The following CELF2 variants were observed in gnomAD, a reference collection of about 807,000 sequenced individuals.
CELF2 encodes the protein CUG triplet repeat RNA-binding protein 2.
Under a neutral mutation model 62.6 loss-of-function variants are expected in CELF2, and 8 were observed. The ratio of observed to expected loss-of-function variants is 0.13; its 90% CI spans 0.07 to 0.23. CELF2 has a LOEUF of 0.23. CELF2 is among the 10% of genes least tolerant of loss of function. The pLI, the probability that CELF2 is intolerant of heterozygous loss-of-function variation, is 1.00. For synonymous variants in CELF2, 258 were observed against 250.0 expected (o/e 1.03, Z -0.30); for missense variants, 333 against 671.0 (o/e 0.50, Z 5.56).
At chr10:10,623,416 G>GC in the CELF2 span, among the ~76,000 whole-genome samples, 1 of 152,164 alleles carries the variant, frequency 6.6e-6, no homozygotes, top group African/African-American at 2.4e-5. Context: ...TTCTGATTCT[G>GC]CAAAAATGCT....
the CELF2 span, among the ~76,000 whole-genome samples, chr10:10,601,565 C>T: frequency 6.6e-6 from 1 of 152,168 alleles, no homozygotes; most frequent in Non-Finnish European, 1.5e-5. Context: ...TTCTTCAAAA[C>T]ATCCTGTCTC....
chr10:11,147,071 G>A (rs995388876), intron 1 of CELF2, among the ~76,000 whole-genome samples: 96 of 152,190 alleles, frequency 6.3e-4, no homozygotes, highest in Non-Finnish European at 1.5e-5. Flanking sequence ...ACTACGTCCT[G>A]TTTATTTATC....
At chr10:10,894,560 A>G (rs908541632) in intron 1 of CELF2, among the ~76,000 whole-genome samples, 1 of 152,206 alleles carries the variant, frequency 6.6e-6, no homozygotes, top group Non-Finnish European at 1.5e-5. Context: ...CCTGGTTTCA[A>G]TCACACCAGT....
At chr10:10,824,115 T>C (rs1441671516) in intron 1 of CELF2, among the ~76,000 whole-genome samples, 1 of 152,218 alleles carries the variant, frequency 6.6e-6, no homozygotes, top group Non-Finnish European at 1.5e-5. Context: ...TCCCTTCTAA[T>C]ACCATTTGGA....
the CELF2 span, among the ~76,000 whole-genome samples, chr10:10,793,119 T>A: frequency 6.6e-6 from 1 of 152,202 alleles, no homozygotes; most frequent in Non-Finnish European, 1.5e-5. Context: ...AGCTGTCTCT[T>A]TAGAGGCCCT....
At chr10:10,541,071 G>A in the CELF2 span, among the ~76,000 whole-genome samples, 5 of 151,700 alleles carry the variant, frequency 3.3e-5, no homozygotes, top group Non-Finnish European at 5.9e-5. Flanking sequence ...GTGAAACCCC[G>A]TCTCTACTAA....
chr10:10,769,116 G>C, the CELF2 span, among the ~76,000 whole-genome samples: 2 of 152,146 alleles, frequency 1.3e-5, no homozygotes, highest in Non-Finnish European at 2.9e-5. Flanking sequence ...TAGTACAACA[G>C]ATATTTATTA....
At position 11,329,310 on chromosome 10, in the gene CELF2, G is replaced by A. The variant is rs561410336; in HGVS notation, c.*257G>A. On this transcript the variant is annotated 3_prime_UTR_variant, in exon 13 of 13. Transcript: ENST00000633077. This position sits in a 1 kb window ranked among gnomAD's most constrained non-coding sequence, Gnocchi z 5.5. ...GCCACTGTATTCTCCTTTGTTTTGC[G>A]ATTTGAATCTCCTTTTACCTTTTTT... is the stretch of plus-strand genomic sequence containing the variant. The A allele has an allele frequency of 1.7e-5, 5 of 289,798 alleles. No homozygotes were observed. The highest frequency in any genetic ancestry group is 5.9e-5 in the East Asian group (1 of 17,012). The allele number at this position is 289,798 out of a possible 1,614,324, so 18.0% of individuals were successfully genotyped here.
intron 1 of CELF2, among the ~76,000 whole-genome samples, chr10:10,832,881 G>C (rs1384995642): frequency 6.6e-6 from 1 of 152,130 alleles, no homozygotes; most frequent in African/African-American, 2.4e-5. Flanking sequence ...AGAATAAGAT[G>C]CTTCTGTTAT....
intron 1 of CELF2, among the ~76,000 whole-genome samples, chr10:10,884,064 AT>A (rs2133754910): frequency 6.6e-6 from 1 of 151,936 alleles, no homozygotes; most frequent in East Asian, 1.9e-4. Context: ...TGGGAATATG[AT>A]TTAGGAATCT....
chr10:10,943,189 A>G (rs2047241039), intron 2 of CELF2, among the ~76,000 whole-genome samples: 1 of 152,270 alleles, frequency 6.6e-6, no homozygotes, highest in South Asian at 2.1e-4. Flanking sequence ...TCTCCAACTG[A>G]TGTCATCTGA....
the CELF2 span, among the ~76,000 whole-genome samples, chr10:10,650,811 G>A: frequency 6.6e-6 from 1 of 152,324 alleles, no homozygotes; most frequent in East Asian, 1.9e-4. Flanking sequence ...ATCTGACCCA[G>A]CGATTCCACT....
the CELF2 span, among the ~76,000 whole-genome samples, chr10:10,711,609 C>T: frequency 3.3e-5 from 5 of 152,178 alleles, no homozygotes; most frequent in East Asian, 1.9e-4. Context: ...GGTGCAGGCA[C>T]GGTGGCTCAC....
At chr10:10,643,948 C>T in the CELF2 span, among the ~76,000 whole-genome samples, 5 of 152,108 alleles carry the variant, frequency 3.3e-5, no homozygotes, top group Admixed American at 6.6e-5. Context: ...CTGTTTCTCC[C>T]CTGTCTTCCA....
chr10:11,188,373 G>A lies in CELF2; in HGVS notation c.271+22691G>A, dbSNP rs546767836. Among the ~76,000 whole-genome samples, 93 of 152,260 alleles carry A rather than the reference G, an allele frequency of 6.1e-4. 2 individuals are homozygous for A. The South Asian group carries it at 0.011, about 18-fold the overall frequency. On this transcript the variant is annotated intron_variant, in intron 2 of 12. Transcript: ENST00000633077. ...GCCCACCTCGGCCTCCCAAAGTGGC[G>A]GGATTACAGGCGTGAGTCACCACGC...
chr10:10,932,480 T>C (rs1314850636), intron 2 of CELF2, among the ~76,000 whole-genome samples: 1 of 152,182 alleles, frequency 6.6e-6, no homozygotes, highest in African/African-American at 2.4e-5. Flanking sequence ...AGTCTATGTA[T>C]ATGTACATCA....
At position 11,053,380 on chromosome 10, in the gene CELF2, C is replaced by T. The variant is rs2064358187; in HGVS notation, c.74+35217C>T. ...CCTCTGCTTCCTCTTGCCATTGGTC[C>T]TTTCACCTGAGAGGCATAGCTAAGG... On this transcript the variant is annotated intron_variant, in intron 1 of 12. Transcript: ENST00000633077. 1.3e-5 allele frequency among the ~76,000 whole-genome samples: 2 copies of T among 152,106 alleles called. 1 individual carries two copies. The highest frequency in any genetic ancestry group is 4.1e-4 in the South Asian group (2 of 4,826).
chr10:10,832,711 C>T (rs1590937235), intron 1 of CELF2, among the ~76,000 whole-genome samples: 1 of 152,096 alleles, frequency 6.6e-6, no homozygotes, highest in East Asian at 1.9e-4. Flanking sequence ...TCCCTAGGGT[C>T]CTTAGTGGTA....
chr10:10,594,147 T>C, the CELF2 span, among the ~76,000 whole-genome samples: 3 of 152,094 alleles, frequency 2.0e-5, no homozygotes, highest in Non-Finnish European at 4.4e-5. Flanking sequence ...GTTTGAGAAA[T>C]ATTTTGAGTT....
Sources: gnomAD v4.1 joint callset for allele counts (sites outside exome capture counted in the v4.1 genomes callset) on GRCh38, gnomAD v4.1.1 for gene constraint, Gnocchi (gnomAD v3.1) non-coding constraint, MANE v1.5 for transcripts, NCBI Gene and HGNC (gene_info 2026-07-23, HGNC 2026-07-21) for gene names.